The following MKS1 variants were observed in gnomAD, a reference collection of about 807,000 sequenced individuals.
MKS1 encodes MKS transition zone complex subunit 1.
A neutral mutation model predicts 83.7 loss-of-function variants in MKS1; 70 were observed. The observed-to-expected ratio is 0.84, with a 90% CI of 0.69 to 1.02. MKS1 has a LOEUF of 1.02. MKS1 is among the 50% of genes least tolerant of loss of function. MKS1 has a pLI of 0.00. For synonymous variants in MKS1, 251 were observed against 273.4 expected, an observed-to-expected ratio of 0.92 and a Z score of 0.81; for missense variants, 681 against 726.9, an observed-to-expected ratio of 0.94 and a Z score of 0.73.
chr17:58,210,024 A>G (rs760245463), intron 11 of MKS1, among the ~76,000 whole-genome samples: 2 of 152,196 alleles, frequency 1.3e-5, no homozygotes, highest in African/African-American at 2.4e-5. Flanking sequence ...AAAGTGAGGG[A>G]TCAAGGATGT....
In MKS1 at chr17:58,209,410, G is replaced by A. The variant is rs1968741783; in HGVS notation, c.1025-827C>T. ...ACATTCTGGGGGAAGCAGGGAGACA[G>A]ACAAAAACCAAACCAACAAGAGACT... On this transcript the variant is annotated intron_variant, in intron 11 of 17. Coordinates refer to ENST00000393119, the MANE Select transcript of MKS1 (RefSeq NM_017777.4). The surrounding 1 kb of genome is among the most constrained non-coding windows in gnomAD (Gnocchi z 4.1). Among the ~76,000 whole-genome samples, 1 of 152,196 alleles carries A rather than the reference G, an allele frequency of 6.6e-6. No homozygotes were observed. The highest frequency in any genetic ancestry group is 2.4e-5 in the African/African-American group (1 of 41,450).
rs369483945 is a variant in MKS1 at position 58,211,003 on chromosome 17, C to A, written c.935G>T (p.Arg312Leu). 6.2e-7 allele frequency: 1 copy of A among 1,613,974 alleles called. No individual in the cohort carries two copies. Among genetic ancestry groups the A allele is most frequent in the Non-Finnish European group, 8.5e-7 (1 of 1,179,966 alleles). ...DFEMTVPGAL[R>L]LFVNGEVVSA... ...ACCGACCTCTCCATTTACAAAGAGC[C>A]GGAGGGCACCTGGGACAGTCTAAGG... Residue 312 changes from arginine to leucine, a missense_variant, in exon 10 of 18, where the codon CGG becomes CTG. By Grantham distance (102) the Arg-to-Leu change is moderately radical. Transcript: ENST00000393119.
intron 11 of MKS1, among the ~76,000 whole-genome samples, chr17:58,210,013 G>C (rs1038872931): frequency 1.3e-5 from 2 of 152,208 alleles, no homozygotes; most frequent in Admixed American, 1.3e-4. Flanking sequence ...GGGAGCTAGG[G>C]AAAGTGAGGG....
chr17:58,206,251 C>T, intron 17 of MKS1, 32 bp downstream of exon 17: 1 of 1,613,964 alleles, frequency 6.2e-7, no homozygotes, highest in Non-Finnish European at 8.5e-7. Context: ...CCCATGCTGA[C>T]CTGGGGTGGC....
chr17:58,212,897 A>C (rs1246284010), intron 8 of MKS1, 85 bp downstream of exon 8: 3 of 1,349,942 alleles, frequency 2.2e-6, no homozygotes, highest in Admixed American at 3.4e-5. Flanking sequence ...TTTCCCGAGC[A>C]ACTGCTGACA....
chr17:58,215,906 C>A, intron 4 of MKS1, 182 bp downstream of exon 4: 1 of 724,174 alleles, frequency 1.4e-6, no homozygotes, highest in South Asian at 1.6e-5. Flanking sequence ...AGCAGCCTCA[C>A]CACCTGTAGA....
chr17:58,213,023 G>A lies in MKS1; in HGVS notation c.817C>T (p.Gln273Ter). Reference protein sequence around the residue: ...YTIDNVSPHAQPEEEERERRV... With the variant: ...YTIDNVSPHA ...CGTTCCCGCTCCTCCTCCTCCGGCTGTGCGTGGGGGGAAACATTGTCGATC... is the reference window on the plus strand; with the variant it reads ...CGTTCCCGCTCCTCCTCCTCCGGCTATGCGTGGGGGGAAACATTGTCGATC... The change falls in exon 8 of 18, where the codon CAG becomes TAG. Residue 273 changes from glutamine to a stop codon, truncating the protein, a stop_gained. Coordinates refer to ENST00000393119, the MANE Select transcript of MKS1 (RefSeq NM_017777.4). LOFTEE classifies it high-confidence loss of function. The A allele has an allele frequency of 1.9e-6, 3 of 1,614,170 alleles. No homozygotes were observed. The highest frequency in any genetic ancestry group is 2.5e-6 in the Non-Finnish European group (3 of 1,180,046).
chr17:58,207,786 T>C, intron 14 of MKS1, 108 bp downstream of exon 14: 4 of 1,093,646 alleles, frequency 3.7e-6, no homozygotes, highest in Non-Finnish European at 5.5e-6. Context: ...AAGCCAAACA[T>C]TTCCAATTCC....
At position 58,209,238 on chromosome 17, in the gene MKS1, T is replaced by C. The variant is rs1295412890; in HGVS notation, c.1025-655A>G. Among the ~76,000 whole-genome samples the C allele has an allele frequency of 6.6e-6, 1 of 152,156 alleles. No individual in the cohort carries two copies. Among genetic ancestry groups the C allele is most frequent in the Non-Finnish European group, 1.5e-5 (1 of 68,038 alleles). ...CGGCCGGGCAGAGGCGCTCCTCACT[T>C]CCCAGACGGGGCGGACAGTTTCTTT... On this transcript the variant is annotated intron_variant, in intron 11 of 17. Transcript: ENST00000393119. This position sits in a 1 kb window ranked among gnomAD's most constrained non-coding sequence, Gnocchi z 4.1.
rs763444295 is a variant in MKS1 at position 58,210,732 on chromosome 17, A to G, written c.959-8T>C. On this transcript the variant is annotated splice_region_variant and splice_polypyrimidine_tract_variant and intron_variant, in intron 10 of 17. Transcript: ENST00000393119. ...CATAGCCTTGGGCTGAAACTACGAG[A>G]GAAAACAGGAAGCTATTTTAGCTTT... 6.2e-7 allele frequency: 1 copy of G among 1,614,042 alleles called. No individual in the cohort carries two copies. The highest frequency in any genetic ancestry group is 1.1e-5 in the South Asian group (1 of 91,084).
At chr17:58,216,614 G>A in intron 3 of MKS1, 52 bp downstream of exon 3, 3 of 1,560,634 alleles carry the variant, frequency 1.9e-6, no homozygotes, top group Non-Finnish European at 2.7e-6. Context: ...CACCAGCCAT[G>A]TGGAGGTAGA....
intron 2 of MKS1, among the ~76,000 whole-genome samples, chr17:58,218,250 A>C (rs185365752): frequency 0.063 from 9,603 of 151,812 alleles, 384 homozygotes; most frequent in Middle Eastern, 0.13. Flanking sequence ...AGATCGAGAC[A>C]ATCCTGGCTA....
intron 17 of MKS1, 28 bp downstream of exon 17, chr17:58,206,255 G>C (rs1361000268): frequency 1.9e-6 from 3 of 1,613,530 alleles, no homozygotes. Flanking sequence ...TGCTGACCTG[G>C]GGTGGCCAGC....
At position 58,207,893 on chromosome 17, in the gene MKS1, C is replaced by G. The variant is rs933577333; in HGVS notation, c.1273+1G>C. On this transcript the variant is annotated splice_donor_variant, in intron 14 of 17. Coordinates refer to ENST00000393119, the MANE Select transcript of MKS1 (RefSeq NM_017777.4). LOFTEE classifies it high-confidence loss of function. ...ACAGAAGGGCAGAGACGAGCGGTTACCTGGAGTGGCAGGCAGCACCACAGC... is the reference window on the plus strand; with the variant it reads ...ACAGAAGGGCAGAGACGAGCGGTTAGCTGGAGTGGCAGGCAGCACCACAGC... 3 of 1,613,452 alleles carry G rather than the reference C, an allele frequency of 1.9e-6. No individual in the cohort carries two copies. The highest frequency in any genetic ancestry group is 2.5e-6 in the Non-Finnish European group (3 of 1,179,448).
At chr17:58,207,634 T>C (rs1324477605) in intron 14 of MKS1, 1 of 579,432 alleles carries the variant, frequency 1.7e-6, no homozygotes, top group Non-Finnish European at 3.1e-6. Flanking sequence ...ATGAGCCAAT[T>C]TTGCCATACA....
intron 9 of MKS1, among the ~76,000 whole-genome samples, chr17:58,211,796 C>T (rs1394326841): frequency 1.4e-5 from 2 of 147,664 alleles, no homozygotes; most frequent in African/African-American, 5.0e-5. Flanking sequence ...AAACTCCTGG[C>T]TTCAAGTGAT....
intron 15 of MKS1, 99 bp from the exon 16 acceptor site, chr17:58,206,646 G>T: frequency 8.3e-7 from 1 of 1,202,634 alleles, no homozygotes; most frequent in Non-Finnish European, 1.2e-6. Flanking sequence ...TTCTTGGGAA[G>T]CGCAGTTCTG....
rs1598006779 is a variant in MKS1 at position 58,218,669 on chromosome 17, G to A, written c.141C>T (p.Leu47=). ...TGGCCAAGTCTATGAGGTCCTTCCC[G>A]AGCTCGGCAGCAGGCTGATAATGAA... ...NFLHYQPAAE[L]GKDLIDLATF... Residue 47 remains leucine (L), a synonymous_variant, in exon 2 of 18, where the codon CTC becomes CTT. Coordinates refer to ENST00000393119, the MANE Select transcript of MKS1 (RefSeq NM_017777.4). The A allele has an allele frequency of 6.2e-7, 1 of 1,613,948 alleles. No individual in the cohort carries two copies. Among genetic ancestry groups the A allele is most frequent in the Non-Finnish European group, 8.5e-7 (1 of 1,179,934 alleles).
rs774595103 is a variant in MKS1, at chr17:58,208,132, A to C, written c.1138T>G (p.Phe380Val). ...HFSYPFTFEA[F>V]FLHEDESSDA... ...GAAGATTCATCCTCATGGAGGAAGA[A>C]GGCTTCAAACGTGAATGGGTAGGAG... Residue 380 changes from phenylalanine to valine, a missense_variant, in exon 13 of 18, where the codon TTC becomes GTC. By Grantham distance (50) the Phe-to-Val change is conservative. Around this residue, in one of 3 missense-constraint regions of MKS1, gnomAD observed 310 missense variants for 321.7 expected, o/e 0.96. Coordinates refer to ENST00000393119, the MANE Select transcript of MKS1 (RefSeq NM_017777.4). 30 of 1,613,896 alleles carry C rather than the reference A, an allele frequency of 1.9e-5. No homozygotes were observed. The highest frequency in any genetic ancestry group is 3.3e-4 in the Middle Eastern group (2 of 6,084).
Sources: gnomAD v4.1 joint callset for allele counts (sites outside exome capture counted in the v4.1 genomes callset) on GRCh38, gnomAD v4.1.1 for gene constraint, gnomAD v4.1.1 regional missense constraint, Gnocchi (gnomAD v3.1) non-coding constraint, MANE v1.5 for transcripts, NCBI Gene and HGNC (gene_info 2026-07-23, HGNC 2026-07-21) for gene names.